Variants in CYTH1 observed in about 807,000 individuals in gnomAD.
CYTH1 encodes cytohesin-1.
In CYTH1, 18 loss-of-function variants were observed where a neutral mutation model predicts 61.8. The ratio of observed to expected loss-of-function variants is 0.29; its 90% CI spans 0.20 to 0.43. The LOEUF (loss-of-function observed/expected upper bound fraction) is 0.43. Among genes scored for constraint, CYTH1 ranks in the 20% least tolerant of loss-of-function variants. The pLI is 1.00. For missense variants in CYTH1, 336 were observed against 510.5 expected, an observed-to-expected ratio of 0.66 and a Z score of 3.29; for synonymous variants, 174 against 184.3, an observed-to-expected ratio of 0.94 and a Z score of 0.45.
At chr17:78,691,659 A>G (rs559374580) in intron 11 of CYTH1, 24 of 152,254 alleles carry the variant, frequency 1.6e-4, no homozygotes, top group African/African-American at 4.6e-4. Context: ...TTGCCCTTAC[A>G]ATGACCAAGA....
chr17:78,708,143 G>A (rs2093088545), intron 3 of CYTH1, 54 bp downstream of exon 3: 1 of 1,568,332 alleles, frequency 6.4e-7, no homozygotes, highest in African/African-American at 1.4e-5. Context: ...TTAAGGCCTG[G>A]GTGCTTTAAG....
At chr17:78,779,103 T>C (rs189672145) in intron 1 of CYTH1, among the ~76,000 whole-genome samples, 7 of 152,266 alleles carry the variant, frequency 4.6e-5, no homozygotes, top group Non-Finnish European at 1.0e-4. Context: ...TATTTAAAAC[T>C]GTAGAAAGGG....
chr17:78,677,015 A>C (rs1392862156), intron 13 of CYTH1: 1 of 456,072 alleles, frequency 2.2e-6, no homozygotes, highest in South Asian at 1.5e-5. Flanking sequence ...CGGTGGCACC[A>C]GCAGCTGCTA....
intron 1 of CYTH1, among the ~76,000 whole-genome samples, chr17:78,710,585 C>A (rs1281607916): frequency 6.6e-6 from 1 of 152,174 alleles, no homozygotes; most frequent in African/African-American, 2.4e-5. Flanking sequence ...AGGTTCAAAT[C>A]CTAGCTCCAA....
intron 1 of CYTH1, among the ~76,000 whole-genome samples, chr17:78,750,880 G>C (rs1431196675): frequency 6.6e-6 from 1 of 152,032 alleles, no homozygotes; most frequent in Admixed American, 6.6e-5. Context: ...GGGAAATACA[G>C]GTTAGGTTCC....
At chr17:78,751,912 TTTTAGTA>T (rs1320941712) in intron 1 of CYTH1, among the ~76,000 whole-genome samples, 1 of 152,188 alleles carries the variant, frequency 6.6e-6, no homozygotes, top group African/African-American at 2.4e-5. Context: ...TGTTTTGTAT[TTTTAGTA>T]GAGACAGGGT....
At chr17:78,729,255 G>A (rs2093281422) in intron 1 of CYTH1, among the ~76,000 whole-genome samples, 1 of 152,158 alleles carries the variant, frequency 6.6e-6, no homozygotes, top group Non-Finnish European at 1.5e-5. Context: ...CTATAAGTAT[G>A]TGCCACACCT....
intron 1 of CYTH1, among the ~76,000 whole-genome samples, chr17:78,772,906 T>C (rs1167010258): frequency 6.6e-6 from 1 of 152,092 alleles, no homozygotes; most frequent in Non-Finnish European, 1.5e-5. Flanking sequence ...CTCAGCTCAC[T>C]GCAACCTCCG....
At chr17:78,743,412 C>G (rs1408774982) in intron 1 of CYTH1, among the ~76,000 whole-genome samples, 1 of 152,178 alleles carries the variant, frequency 6.6e-6, no homozygotes, top group African/African-American at 2.4e-5. Context: ...CTACCTAACA[C>G]AAATCCCAAA....
chr17:78,728,578 C>T (rs2093278190), intron 1 of CYTH1, among the ~76,000 whole-genome samples: 2 of 151,640 alleles, frequency 1.3e-5, no homozygotes, highest in Admixed American at 1.3e-4. Flanking sequence ...ACATTACCAA[C>T]ATGATGTTTA....
intron 1 of CYTH1, among the ~76,000 whole-genome samples, chr17:78,763,352 T>C (rs1409529804): frequency 1.3e-5 from 2 of 151,878 alleles, no homozygotes; most frequent in Non-Finnish European, 2.9e-5. Context: ...CACATTTATA[T>C]ACACATTTGT....
At position 78,680,242 on chromosome 17, in the gene CYTH1, G is replaced by A. The variant is rs1269699403; in HGVS notation, c.1066C>T (p.Arg356Trp). 2.5e-6 allele frequency: 4 copies of A among 1,614,132 alleles called. No homozygotes were observed. Among genetic ancestry groups the A allele is most frequent in the Admixed American group, 1.7e-5 (1 of 60,018 alleles). ...TCCTCGGGCGTCGGAGCTGAGATCC[G>A]GTAAACAGTGTGGTTCCCCTCCACC... ...RVVEGNHTVY[R>W]ISAPTPEEKE... The change falls in exon 13 of 14, where the codon CGG becomes TGG. Residue 356 changes from arginine to tryptophan, a missense_variant. By Grantham distance (101) the Arg-to-Trp change is moderately radical. Transcript: ENST00000446868.
chr17:78,690,652 C>T (rs2092875000), intron 11 of CYTH1, among the ~76,000 whole-genome samples: 1 of 151,498 alleles, frequency 6.6e-6, no homozygotes, highest in African/African-American at 2.4e-5. Context: ...GCTAAGATCA[C>T]ACCACCACTA....
At chr17:78,693,224 G>A (rs572485356) in intron 10 of CYTH1, among the ~76,000 whole-genome samples, 14 of 152,328 alleles carry the variant, frequency 9.2e-5, no homozygotes, top group South Asian at 6.2e-4. Flanking sequence ...GCTTATAACA[G>A]AAACAGCTGG....
chr17:78,689,131 T>C (rs1266835716), intron 11 of CYTH1, among the ~76,000 whole-genome samples: 3 of 152,016 alleles, frequency 2.0e-5, no homozygotes, highest in Non-Finnish European at 4.4e-5. Context: ...CTGAAATAAG[T>C]GTTGGATTCT....
chr17:78,676,261 C>T (rs2092697795), intron 13 of CYTH1, 92 bp from the exon 14 acceptor site: 1 of 1,243,226 alleles, frequency 8.0e-7, no homozygotes. Flanking sequence ...CCCCTCGTGC[C>T]CCAGAACACC....
intron 1 of CYTH1, among the ~76,000 whole-genome samples, chr17:78,722,779 T>C (rs2093240079): frequency 6.6e-6 from 1 of 152,158 alleles, no homozygotes; most frequent in South Asian, 2.1e-4. Context: ...CAATTCCAAC[T>C]CCTTTTCTAT....
intron 1 of CYTH1, among the ~76,000 whole-genome samples, chr17:78,731,373 C>T (rs72848587): frequency 0.15 from 23,555 of 152,104 alleles, 2,396 homozygotes; most frequent in Non-Finnish European, 0.22. Flanking sequence ...TGGCTCCAGC[C>T]GTAACACAAA....
chr17:78,691,190 A>T (rs2092881847), intron 11 of CYTH1: 2 of 152,244 alleles, frequency 1.3e-5, no homozygotes, highest in Admixed American at 6.5e-5. Flanking sequence ...CAACATATGA[A>T]ATCCCGGCCA....
Sources: allele counts gnomAD v4.1 joint callset (sites outside exome capture counted in the v4.1 genomes callset), GRCh38; gene constraint gnomAD v4.1.1; transcripts MANE v1.5; gene names NCBI Gene and HGNC (gene_info 2026-07-23, HGNC 2026-07-21).